The following PRKN variants were observed in gnomAD, a reference collection of about 807,000 sequenced individuals.
PRKN encodes E3 ubiquitin-protein ligase parkin.
PRKN carries 56 observed loss-of-function variants against 59.5 expected under a neutral mutation model. The ratio of observed to expected loss-of-function variants is 0.94; its 90% CI spans 0.76 to 1.18. The LOEUF is 1.18. Ranked by LOEUF, PRKN falls within the 50% of genes most tolerant of loss-of-function variation. PRKN has a pLI of 0.00. For missense variants in PRKN, 657 were observed against 596.4 expected, an observed-to-expected ratio of 1.10 and a Z score of -1.06; for synonymous variants, 250 against 222.1, an observed-to-expected ratio of 1.13 and a Z score of -1.12.
At chr6:161,883,658 T>G (rs1194504152) in intron 6 of PRKN, among the ~76,000 whole-genome samples, 1 of 152,066 alleles carries the variant, frequency 6.6e-6, no homozygotes, top group Non-Finnish European at 1.5e-5. Flanking sequence ...TTATTTTTAT[T>G]TTTTTTATTA....
At chr6:162,052,992 A>T (rs1434691125) in intron 5 of PRKN, among the ~76,000 whole-genome samples, 1 of 152,178 alleles carries the variant, frequency 6.6e-6, no homozygotes, top group Non-Finnish European at 1.5e-5. Flanking sequence ...TACACTTAAG[A>T]ATTCTGCCCT....
chr6:161,656,194 C>A (rs549471593), intron 7 of PRKN, among the ~76,000 whole-genome samples: 1 of 152,306 alleles, frequency 6.6e-6, no homozygotes, highest in African/African-American at 2.4e-5. Flanking sequence ...GGTCAAGGAG[C>A]GAAATCCTCA....
chr6:162,675,643 C>CT (rs1349708124), intron 1 of PRKN, among the ~76,000 whole-genome samples: 2 of 152,128 alleles, frequency 1.3e-5, no homozygotes, highest in Non-Finnish European at 2.9e-5. Context: ...GAGAGAAACA[C>CT]TTTAATAAAT....
Position 161,359,542 on chromosome 6 carries a change from G to T in PRKN, c.1285+546C>A, listed in dbSNP as rs1423708811. 1.3e-5 allele frequency among the ~76,000 whole-genome samples: 2 copies of T among 152,240 alleles called. No individual in the cohort carries two copies. The highest frequency in any genetic ancestry group is 4.8e-5 in the African/African-American group (2 of 41,470). On this transcript the variant is annotated intron_variant, in intron 11 of 11. Coordinates refer to ENST00000366898, the MANE Select transcript of PRKN (RefSeq NM_004562.3). The surrounding 1 kb of genome is among the most constrained non-coding windows in gnomAD (Gnocchi z 5.4). ...TTGAGAAAGGGCTCTCGGACCACTG[G>T]TTGTGATGGCTTTGCCCTGAGTGGC...
chr6:162,409,078 T>C (rs1158942703), intron 2 of PRKN, among the ~76,000 whole-genome samples: 1 of 152,258 alleles, frequency 6.6e-6, no homozygotes, highest in Non-Finnish European at 1.5e-5. Context: ...ACGATTTGCA[T>C]AGATGGGGTA....
At chr6:162,513,685 G>C (rs1390725588) in intron 1 of PRKN, among the ~76,000 whole-genome samples, 1 of 152,158 alleles carries the variant, frequency 6.6e-6, no homozygotes, top group Non-Finnish European at 1.5e-5. Flanking sequence ...GGATGGAATA[G>C]CAATTATGAA....
intron 1 of PRKN, among the ~76,000 whole-genome samples, chr6:162,521,112 G>T (rs1297221802): frequency 6.6e-6 from 1 of 152,060 alleles, no homozygotes; most frequent in African/African-American, 2.4e-5. Context: ...ATAGAAAATT[G>T]ATTTCATTTT....
At chr6:162,089,309 C>T (rs1178607080) in intron 4 of PRKN, among the ~76,000 whole-genome samples, 2 of 152,140 alleles carry the variant, frequency 1.3e-5, no homozygotes, top group Non-Finnish European at 2.9e-5. Flanking sequence ...AGATCAGCAT[C>T]ATTAGTCGTT....
chr6:161,613,545 A>T (rs28444464), intron 7 of PRKN, among the ~76,000 whole-genome samples: 2,650 of 152,304 alleles, frequency 0.017, 56 homozygotes, highest in East Asian at 0.072. Flanking sequence ...AATGCTATCA[A>T]ACAGCATCAC....
At chr6:162,399,686 C>T (rs887212293) in intron 2 of PRKN, among the ~76,000 whole-genome samples, 1 of 151,688 alleles carries the variant, frequency 6.6e-6, no homozygotes, top group Admixed American at 6.6e-5. Flanking sequence ...GAAATGAAAA[C>T]CAAACAATGA....
At chr6:162,190,655 C>T (rs775112061) in intron 4 of PRKN, among the ~76,000 whole-genome samples, 12 of 152,332 alleles carry the variant, frequency 7.9e-5, no homozygotes, top group Non-Finnish European at 1.6e-4. Context: ...AAACTCATAT[C>T]ACAGTACTGG....
rs987784089 is a variant in PRKN, at chr6:161,584,278, C to T, written c.872-14862G>A. Among the ~76,000 whole-genome samples the T allele has an allele frequency of 1.3e-5, 2 of 152,300 alleles. No individual in the cohort carries two copies. The highest frequency in any genetic ancestry group is 4.8e-5 in the African/African-American group (2 of 41,560). Reference sequence around the variant, plus strand: ...TCAATACAGCCTGTCCTTCCAGCTTCCCAATCAAATAGGACACCAGAGCCC... The same window carrying T: ...TCAATACAGCCTGTCCTTCCAGCTTTCCAATCAAATAGGACACCAGAGCCC... On this transcript the variant is annotated intron_variant, in intron 7 of 11. Coordinates refer to ENST00000366898, the MANE Select transcript of PRKN (RefSeq NM_004562.3). This position sits in a 1 kb window ranked among gnomAD's most constrained non-coding sequence, Gnocchi z 4.8.
At chr6:162,295,767 T>C (rs1781642819) in intron 2 of PRKN, among the ~76,000 whole-genome samples, 1 of 152,152 alleles carries the variant, frequency 6.6e-6, no homozygotes, top group Non-Finnish European at 1.5e-5. Context: ...CACACAAGCC[T>C]ACGCTTGCCC....
intron 6 of PRKN, among the ~76,000 whole-genome samples, chr6:161,842,129 G>C (rs1793011063): frequency 6.6e-6 from 1 of 152,072 alleles, no homozygotes; most frequent in Non-Finnish European, 1.5e-5. Context: ...TTAAACAAAA[G>C]CTAAAATCCC....
At chr6:161,954,947 T>G (rs889052259) in intron 6 of PRKN, among the ~76,000 whole-genome samples, 4 of 152,166 alleles carry the variant, frequency 2.6e-5, no homozygotes, top group Non-Finnish European at 5.9e-5. Context: ...CATGGCTCAA[T>G]GTGAAAGGCC....
chr6:162,118,074 C>T (rs971500067), intron 4 of PRKN, among the ~76,000 whole-genome samples: 5 of 151,220 alleles, frequency 3.3e-5, no homozygotes, highest in South Asian at 2.1e-4. Context: ...CCAGTCTGGG[C>T]GACAAGAGTG....
Position 161,466,441 on chromosome 6 carries a change from G to C in PRKN, c.1084-79564C>G, listed in dbSNP as rs554027693. Among the ~76,000 whole-genome samples, 1 of 152,220 alleles carries C rather than the reference G, an allele frequency of 6.6e-6. No individual in the cohort carries two copies. Among genetic ancestry groups the C allele is most frequent in the East Asian group, 1.9e-4 (1 of 5,154 alleles). On this transcript the variant is annotated intron_variant, in intron 9 of 11. Coordinates refer to ENST00000366898, the MANE Select transcript of PRKN (RefSeq NM_004562.3). The surrounding 1 kb of genome is among the most constrained non-coding windows in gnomAD (Gnocchi z 5.0). The stretch of plus-strand genomic sequence containing the variant: ...TGTTACGGTAGAAATCTAGAAAATA[G>C]TTTTATCATTTCTCCTCCAGTCAAC...
At chr6:161,637,772 A>G (rs556563514) in intron 7 of PRKN, among the ~76,000 whole-genome samples, 2 of 151,860 alleles carry the variant, frequency 1.3e-5, no homozygotes, top group East Asian at 1.9e-4. Context: ...ATTGGCCCCA[A>G]TTCTGTTTAG....
At chr6:161,642,234 T>C (rs1386423035) in intron 7 of PRKN, among the ~76,000 whole-genome samples, 1 of 152,222 alleles carries the variant, frequency 6.6e-6, no homozygotes, top group Non-Finnish European at 1.5e-5. Flanking sequence ...ATTAGTTTTG[T>C]CCATAAATGT....
Sources: allele counts gnomAD v4.1 joint callset (sites outside exome capture counted in the v4.1 genomes callset), GRCh38; gene constraint gnomAD v4.1.1; non-coding constraint Gnocchi (gnomAD v3.1); transcripts MANE v1.5; gene names NCBI Gene and HGNC (gene_info 2026-07-23, HGNC 2026-07-21).